The following GLB1L variants were observed in gnomAD, a reference collection of about 807,000 sequenced individuals.
GLB1L encodes the protein beta-galactosidase-1-like protein.
In GLB1L, 58 loss-of-function variants were observed where a neutral mutation model predicts 75.7. The ratio of observed to expected loss-of-function variants is 0.77; its 90% confidence interval spans 0.62 to 0.95. The LOEUF (loss-of-function observed/expected upper bound fraction) is 0.95. Ranked by LOEUF, GLB1L falls within the 40% of genes least tolerant of loss-of-function variation. GLB1L has a pLI of 0.00. For synonymous variants in GLB1L, 296 were observed against 303.0 expected (o/e 0.98, Z 0.24); for missense variants, 797 against 805.5 (o/e 0.99, Z 0.13).
intron 3 of GLB1L, 57 bp from the exon 4 acceptor site, chr2:219,242,975 C>T (rs1011935948): frequency 1.2e-6 from 2 of 1,602,304 alleles, no homozygotes; most frequent in African/African-American, 1.3e-5. Flanking sequence ...GGAGGCCTAA[C>T]GGCTCAGGCC....
At position 219,245,387 on chromosome 2, in the gene GLB1L, G is replaced by A. The variant is rs1489141013; in HGVS notation, c.-229C>T. ...TCCACCCCTACACCTAGCTAGCCCG[G>A]AGCCTCTCAGCTCCGCGTCCCCACA... is the stretch of plus-strand genomic sequence containing the variant. On this transcript the variant is annotated 5_prime_UTR_variant, in exon 1 of 17. Coordinates refer to ENST00000295759, the MANE Select transcript of GLB1L (RefSeq NM_001286423.2). 6.6e-6 allele frequency: 1 copy of A among 152,494 alleles called. No individual in the cohort carries two copies. Among genetic ancestry groups the A allele is most frequent in the Non-Finnish European group, 1.5e-5 (1 of 68,110 alleles). 9.4% of individuals were successfully genotyped at this position (152,494 alleles called of 1,614,324 possible).
chr2:219,243,676 G>A, intron 1 of GLB1L, 33 bp from the exon 2 acceptor site: 1 of 1,122,314 alleles, frequency 8.9e-7, no homozygotes, highest in Non-Finnish European at 1.3e-6. Flanking sequence ...ACCACCTCAA[G>A]TTGCCAGGCG....
chr2:219,241,435 T>G (rs1559266527), intron 5 of GLB1L, among the ~76,000 whole-genome samples: 1 of 68,030 alleles, frequency 1.5e-5, no homozygotes, highest in African/African-American at 4.9e-5. Flanking sequence ...TGTGTGTGTG[T>G]GTGTGTGTAT....
Position 219,239,395 on chromosome 2 carries a change from G to A in GLB1L, c.943+16C>T. On this transcript the variant is annotated intron_variant, in intron 10 of 16. Coordinates refer to ENST00000295759, the MANE Select transcript of GLB1L (RefSeq NM_001286423.2). Reference sequence around the variant, plus strand: ...GTTACCTCCCTGCTTCTATCCCAGGGACCATCTGGACTCACCATTCCAATA... The same window carrying A: ...GTTACCTCCCTGCTTCTATCCCAGGAACCATCTGGACTCACCATTCCAATA... The A allele has an allele frequency of 6.3e-7, 1 of 1,580,924 alleles. No homozygotes were observed. The highest frequency in any genetic ancestry group is 8.6e-7 in the Non-Finnish European group (1 of 1,162,682).
rs1339060755 is a variant in GLB1L at position 219,237,872 on chromosome 2, T to G, written c.1427A>C (p.Glu476Ala). The stretch of plus-strand genomic sequence containing the variant: ...CCCAAAGCTGAGCCTCCCCATGTTC[T>G]CCACCAAGATATCCAGTTTGGACCC... Reference protein sequence around the residue: ...KLGSKLDILVENMGRLSFGSN... With the variant: ...KLGSKLDILVANMGRLSFGSN... The change falls in exon 15 of 17, where the codon GAG becomes GCG. Residue 476 changes from glutamate (E) to alanine (A), a missense_variant. By Grantham distance (107) the Glu-to-Ala change is moderately radical (BLOSUM62 -1). Transcript: ENST00000295759. 3 of 1,614,132 alleles carry G rather than the reference T, an allele frequency of 1.9e-6. No individual in the cohort carries two copies. The highest frequency in any genetic ancestry group is 2.5e-6 in the Non-Finnish European group (3 of 1,180,014).
Position 219,237,648 on chromosome 2 carries a change from A to G in GLB1L, c.1553T>C (p.Val518Ala). ...CAACTGGAGGGGAAACCACCACTTC[A>G]CAAGGTTATCAATTTTCAGAGGGAA... The part of the protein sequence containing the change: ...MMFPLKIDNL[V>A]KWWFPLQLPK... Residue 518 changes from valine (V) to alanine (A), a missense_variant, in exon 16 of 17, where the codon GTG (valine) becomes GCG (alanine). Transcript: ENST00000295759. 1 of 1,614,224 alleles carries G rather than the reference A, an allele frequency of 6.2e-7. No homozygotes were observed.
rs769777066 is a variant in GLB1L at position 219,242,951 on chromosome 2, T to TGAA, written c.240-36_240-34dup. The stretch of plus-strand genomic sequence containing the variant: ...AGGAAGAGGTTAATAGGAACCAAGG[T>TGAA]GAAGAGACGCCAGGGAGGCCTAACG... On this transcript the variant is annotated intron_variant, in intron 3 of 16. Transcript: ENST00000295759. 82 of 1,612,738 alleles carry TGAA rather than the reference T, an allele frequency of 5.1e-5. 1 individual carries two copies. In the African/African-American group the frequency reaches 9.2e-4, roughly 18 times the overall value.
rs545199045 is a variant in GLB1L at position 219,238,656 on chromosome 2, T to C, written c.1137+49A>G. ...ATAGAGGACAAGAAAGAATAGGCTA[T>C]TTAGAAAAAAAAGGTGTGGTATAAG... On this transcript the variant is annotated intron_variant, in intron 12 of 16. Coordinates refer to ENST00000295759, the MANE Select transcript of GLB1L (RefSeq NM_001286423.2). 3.6e-5 allele frequency: 58 copies of C among 1,599,278 alleles called. No homozygotes were observed. The Admixed American group carries it at 7.8e-4, about 22-fold the overall frequency.
chr2:219,239,092 C>T lies in GLB1L; in HGVS notation c.1062G>A (p.Lys354=), dbSNP rs1200232956. 1 of 1,590,758 alleles carries T rather than the reference C, an allele frequency of 6.3e-7. No individual in the cohort carries two copies. The highest frequency in any genetic ancestry group is 1.7e-5 in the Admixed American group (1 of 59,466). Reference sequence around the variant, plus strand: ...GGAGCTTAATGAAATGGTAGGGTACCTTGCTGATGACATCTCGAAGAGCAA... The same window carrying T: ...GGAGCTTAATGAAATGGTAGGGTACTTTGCTGATGACATCTCGAAGAGCAA... The part of the protein sequence containing the change: ...KLFALRDVIS[K]FQEVPLGPLP... Residue 354 remains lysine, a splice_region_variant and synonymous_variant, in exon 11 of 17, where the codon AAG becomes AAA. Transcript: ENST00000295759.
chr2:219,238,350 A>ATGAAGCCATGGTCCTGG lies in GLB1L; in HGVS notation c.1228-4_1240dup (p.Met414ThrfsTer13). On this transcript the variant is annotated frameshift_variant, in exon 14 of 17. Coordinates refer to ENST00000295759, the MANE Select transcript of GLB1L (RefSeq NM_001286423.2). LOFTEE classifies it high-confidence loss of function. Reference sequence around the variant, plus strand: ...ATGGGTCATATAGGTTCGGTACAACATGAAGCCATGGTCCTGGGTATGGAA... The same window carrying ATGAAGCCATGGTCCTGG: ...ATGGGTCATATAGGTTCGGTACAACATGAAGCCATGGTCCTGGTGAAGCCATGGTCCTGGGTATGGAA... 1.9e-6 allele frequency: 3 copies of ATGAAGCCATGGTCCTGG among 1,606,676 alleles called. No individual in the cohort carries two copies. Among genetic ancestry groups the ATGAAGCCATGGTCCTGG allele is most frequent in the Non-Finnish European group, 2.6e-6 (3 of 1,176,282 alleles).
intron 3 of GLB1L, 27 bp downstream of exon 3, chr2:219,243,121 T>G (rs1951433058): frequency 1.3e-6 from 2 of 1,580,444 alleles, no homozygotes; most frequent in East Asian, 4.5e-5. Flanking sequence ...ATCCCATCCC[T>G]CCGCGGCTCT....
chr2:219,240,463 G>A (rs1326518571), intron 5 of GLB1L, among the ~76,000 whole-genome samples, 178 bp from the exon 6 acceptor site: 1 of 152,268 alleles, frequency 6.6e-6, no homozygotes, highest in East Asian at 1.9e-4. Context: ...AAACAAATGG[G>A]CCGGGCGTGG....
intron 2 of GLB1L, 59 bp downstream of exon 2, chr2:219,243,443 T>G (rs1951447316): frequency 2.5e-6 from 4 of 1,604,610 alleles, no homozygotes; most frequent in African/African-American, 1.3e-5. Flanking sequence ...CTTTCTCTCA[T>G]CCGCTGGATC....
intron 16 of GLB1L, 52 bp from the exon 17 acceptor site, chr2:219,237,399 G>C (rs778322417): frequency 6.2e-7 from 1 of 1,600,040 alleles, no homozygotes; most frequent in East Asian, 2.2e-5. Flanking sequence ...AGCTCTCCAG[G>C]GGTAGAATCA....
At chr2:219,238,674 GGT>G in intron 12 of GLB1L, 29 bp downstream of exon 12, 1 of 1,595,518 alleles carries the variant, frequency 6.3e-7, no homozygotes, top group East Asian at 2.8e-5. Context: ...AAAAAGGTGT[GGT>G]ATAAGAGAAA....
At chr2:219,241,440 GTGTA>G (rs1485732877) in intron 5 of GLB1L, among the ~76,000 whole-genome samples, 49 of 85,528 alleles carry the variant, frequency 5.7e-4, no homozygotes, top group African/African-American at 2.0e-3. Flanking sequence ...GTGTGTGTGT[GTGTA>G]TATATATATA....
chr2:219,241,434 G>GTA (rs1392771177), intron 5 of GLB1L, among the ~76,000 whole-genome samples: 26 of 82,974 alleles, frequency 3.1e-4, no homozygotes, highest in African/African-American at 8.4e-4. Context: ...GTGTGTGTGT[G>GTA]TGTGTGTGTA....
chr2:219,238,618 G>A (rs751367803), intron 12 of GLB1L, 34 bp from the exon 13 acceptor site: 1 of 1,603,938 alleles, frequency 6.2e-7, no homozygotes, highest in South Asian at 1.1e-5. Flanking sequence ...TAGAATATCA[G>A]GGAAGTTTCT....
chr2:219,245,038 G>C (rs1372350505), intron 1 of GLB1L, among the ~76,000 whole-genome samples, 191 bp downstream of exon 1: 1 of 152,230 alleles, frequency 6.6e-6, no homozygotes, highest in Non-Finnish European at 1.5e-5. Flanking sequence ...TTAGAAACTG[G>C]AAGTCTGGTT....
Sources: allele counts gnomAD v4.1 joint callset (sites outside exome capture counted in the v4.1 genomes callset), GRCh38; gene constraint gnomAD v4.1.1; transcripts MANE v1.5; gene names NCBI Gene and HGNC (gene_info 2026-07-23, HGNC 2026-07-21).